SAMSN1: variants seen among roughly 807,000 people sequenced by gnomAD.
SAMSN1 encodes SAM domain, SH3 domain and nuclear localization signals 1.
In SAMSN1, 31 loss-of-function variants were observed where a neutral mutation model predicts 42.0. The ratio of observed to expected loss-of-function variants is 0.74; its 90% CI spans 0.55 to 1.00. The LOEUF is 1.00. SAMSN1 is among the 50% of genes least tolerant of loss of function. The pLI, the probability that SAMSN1 is intolerant of heterozygous loss-of-function variation, is 0.00. For missense variants in SAMSN1, 464 were observed against 439.4 expected (o/e 1.06, Z -0.50); for synonymous variants, 178 against 151.9 (o/e 1.17, Z -1.26).
intron 5 of SAMSN1, among the ~76,000 whole-genome samples, chr21:14,503,438 C>T (rs1987262696): frequency 6.6e-6 from 1 of 152,146 alleles, no homozygotes; most frequent in Admixed American, 6.6e-5. Context: ...CAGAAGAGAA[C>T]CCTGAGCCTC....
At chr21:14,527,846 C>T (rs1242046521) in intron 1 of SAMSN1, among the ~76,000 whole-genome samples, 1 of 150,904 alleles carries the variant, frequency 6.6e-6, no homozygotes, top group African/African-American at 2.4e-5. Context: ...TGCAACAAGT[C>T]TGATGAGTAA....
intron 6 of SAMSN1, among the ~76,000 whole-genome samples, chr21:14,600,695 G>T (rs750587791): frequency 6.6e-6 from 1 of 152,136 alleles, no homozygotes; most frequent in African/African-American, 2.4e-5. Flanking sequence ...TTGGCAGAAG[G>T]CATGTCTAGT....
chr21:14,635,263 G>C (rs889819554), intron 2 of SAMSN1, among the ~76,000 whole-genome samples: 11 of 152,112 alleles, frequency 7.2e-5, no homozygotes, highest in Non-Finnish European at 5.9e-5. Flanking sequence ...TGGGTTGATA[G>C]GTGCTGCAAA....
chr21:14,622,870 G>C (rs577490526), intron 2 of SAMSN1, among the ~76,000 whole-genome samples: 1 of 152,184 alleles, frequency 6.6e-6, no homozygotes, highest in Non-Finnish European at 1.5e-5. Context: ...CAGCCAGAGA[G>C]AAAAGTCAGG....
intron 1 of SAMSN1, among the ~76,000 whole-genome samples, chr21:14,534,269 G>A (rs2822754): frequency 0.6 from 91,773 of 151,908 alleles, 28,949 homozygotes; most frequent in African/African-American, 0.79. Flanking sequence ...TTTCAGTGGT[G>A]GCCAAAGTGT....
At chr21:14,557,730 C>G (rs147168041) in intron 2 of SAMSN1, among the ~76,000 whole-genome samples, 10 of 152,220 alleles carry the variant, frequency 6.6e-5, no homozygotes, top group Non-Finnish European at 1.2e-4. Flanking sequence ...AAGGCTGGAA[C>G]GTCTCTGGTC....
At chr21:14,597,290 T>G (rs1297346086) in intron 6 of SAMSN1, among the ~76,000 whole-genome samples, 1 of 152,120 alleles carries the variant, frequency 6.6e-6, no homozygotes, top group East Asian at 1.9e-4. Context: ...GTTAAGCTCA[T>G]GAAAAATTGG....
At chr21:14,581,672 T>C (rs1367214416) in intron 2 of SAMSN1, among the ~76,000 whole-genome samples, 1 of 152,044 alleles carries the variant, frequency 6.6e-6, no homozygotes, top group Non-Finnish European at 1.5e-5. Flanking sequence ...AAATAATATT[T>C]CTTAAGGTAA....
chr21:14,495,130 G>A (rs935429176), intron 7 of SAMSN1, among the ~76,000 whole-genome samples: 28 of 152,226 alleles, frequency 1.8e-4, no homozygotes, highest in Middle Eastern at 6.8e-3. Flanking sequence ...TAAAAAGAAA[G>A]GCAAACTATT....
At chr21:14,583,633 A>G (rs964601169), upstream of SAMSN1, 8 of 716,578 alleles carry the variant, frequency 1.1e-5, no homozygotes, top group African/African-American at 5.2e-5. Flanking sequence ...TTAACAGCTT[A>G]TTGAGTTCTT....
Position 14,510,397 on chromosome 21 carries a change from G to A in SAMSN1, c.474C>T (p.Gly158=), listed in dbSNP as rs767913661. Residue 158 remains glycine (G), a synonymous_variant, in exon 5 of 8, where the codon GGC becomes GGT. Transcript: ENST00000400566. ...GGCCACAGAATGGTCCTGAATAGGG[G>A]CCATCGTCATCCAGTCGAAAGCTGT... The part of the protein sequence containing the change: ...NRDSFRLDDD[G]PYSGPFCGRA... The A allele has an allele frequency of 1.2e-6, 2 of 1,614,064 alleles. No homozygotes were observed. The highest frequency in any genetic ancestry group is 1.7e-5 in the Admixed American group (1 of 60,016).
chr21:14,606,856 A>G (rs2123314186), intron 5 of SAMSN1, among the ~76,000 whole-genome samples: 1 of 152,326 alleles, frequency 6.6e-6, no homozygotes, highest in South Asian at 2.1e-4. Context: ...TATATAGTAC[A>G]GTCATGTTGT....
intron 1 of SAMSN1, among the ~76,000 whole-genome samples, chr21:14,532,527 G>T (rs1013401501): frequency 2.6e-5 from 4 of 152,124 alleles, no homozygotes; most frequent in African/African-American, 9.7e-5. Context: ...CTGGGATTTG[G>T]TTAGATGAAT....
At chr21:14,497,782 G>T (rs1986972095) in intron 7 of SAMSN1, among the ~76,000 whole-genome samples, 1 of 152,090 alleles carries the variant, frequency 6.6e-6, no homozygotes, top group Non-Finnish European at 1.5e-5. Flanking sequence ...ACCGGATTTG[G>T]CAGGAAAGGC....
chr21:14,603,830 C>T lies in SAMSN1; in HGVS notation c.323-1731G>A, dbSNP rs906116828. On this transcript the variant is annotated intron_variant, in intron 5 of 15. Transcript: ENST00000647101. ...ACAGTGAGCTTAAAATCCAGCTCCA[C>T]AGCTAAAGAGTAGCCATGGCTCTGA... Among the ~76,000 whole-genome samples, 4 of 152,246 alleles carry T rather than the reference C, an allele frequency of 2.6e-5. No homozygotes were observed. In the East Asian group the frequency reaches 5.8e-4, roughly 22 times the overall value.
intron 6 of SAMSN1, among the ~76,000 whole-genome samples, chr21:14,601,065 A>G: frequency 6.6e-6 from 1 of 152,218 alleles, no homozygotes; most frequent in East Asian, 1.9e-4. Flanking sequence ...ACAGAGGCAG[A>G]GAGAGTCTAA....
intron 2 of SAMSN1, among the ~76,000 whole-genome samples, chr21:14,640,823 T>C (rs979401695): frequency 3.3e-5 from 5 of 152,136 alleles, no homozygotes; most frequent in Non-Finnish European, 5.9e-5. Context: ...TATACATACA[T>C]ACATGTTTGT....
rs554117643 is a variant in SAMSN1 at position 14,563,033 on chromosome 21, T to G, written c.261+19103A>C. On this transcript the variant is annotated intron_variant, in intron 2 of 8. Transcript: ENST00000285670. ...AAATGCAGAAAAATTGAGTATGTTTTCAGTATTTCCAACAACATAAATGCA... is the reference window on the plus strand; with the variant it reads ...AAATGCAGAAAAATTGAGTATGTTTGCAGTATTTCCAACAACATAAATGCA... Among the ~76,000 whole-genome samples the G allele has an allele frequency of 4.6e-5, 7 of 152,286 alleles. No individual in the cohort carries two copies. In the South Asian group the frequency reaches 1.2e-3, roughly 27 times the overall value.
At chr21:14,536,685 AAAGAAG>A (rs149732490) in intron 1 of SAMSN1, among the ~76,000 whole-genome samples, 1 of 152,136 alleles carries the variant, frequency 6.6e-6, no homozygotes, top group African/African-American at 2.4e-5. Flanking sequence ...TATGTTTAAG[AAAGAAG>A]AAGAAGAAGC....
Sources: allele counts gnomAD v4.1 joint callset (sites outside exome capture counted in the v4.1 genomes callset), GRCh38; gene constraint gnomAD v4.1.1; transcripts MANE v1.5; gene names NCBI Gene and HGNC (gene_info 2026-07-23, HGNC 2026-07-21).